Variants in WWP2 observed in about 807,000 individuals in gnomAD.
The protein encoded by WWP2 is WW domain containing E3 ubiquitin protein ligase 2, also known as NEDD4-like E3 ubiquitin-protein ligase WWP2.
WWP2 carries 57 observed loss-of-function variants against 121.0 expected under a neutral mutation model. That is an observed-to-expected ratio of 0.47 (90% CI 0.38 to 0.59). The LOEUF is 0.59. WWP2 is among the 20% of genes least tolerant of loss of function. WWP2 has a pLI of 0.00. For synonymous variants in WWP2, 449 were observed against 441.3 expected, an observed-to-expected ratio of 1.02 and a Z score of -0.22; for missense variants, 962 against 1,158.9, an observed-to-expected ratio of 0.83 and a Z score of 2.47.
intron 7 of WWP2, among the ~76,000 whole-genome samples, chr16:69,886,468 C>G (rs2057927362): frequency 6.6e-6 from 1 of 151,410 alleles, no homozygotes; most frequent in Non-Finnish European, 1.5e-5. Flanking sequence ...AAAAACCAAA[C>G]AACTTTCTGG....
At chr16:69,915,656 G>A (rs72785070) in intron 9 of WWP2, among the ~76,000 whole-genome samples, 108 of 152,286 alleles carry the variant, frequency 7.1e-4, no homozygotes, top group Non-Finnish European at 7.8e-4. Context: ...GTTGCCTTCG[G>A]GGAACAGGAG....
Position 69,937,122 on chromosome 16 carries a change from C to T in WWP2, c.2122C>T (p.Leu708=). 6.2e-7 allele frequency: 1 copy of T among 1,613,924 alleles called. No individual in the cohort carries two copies. The highest frequency in any genetic ancestry group is 8.5e-7 in the Non-Finnish European group (1 of 1,179,928). The change falls in exon 20 of 24, where the codon CTG becomes TTG. Residue 708 remains leucine, a synonymous_variant. Transcript: ENST00000359154. This position sits in a 1 kb window ranked among gnomAD's most constrained non-coding sequence, Gnocchi z 6.6. ...ATGGCTGCTCTTTGGTCTCAGGCTG[C>T]TGACTGACTGGCGTTTCACCCGAGG... ...EENKEEYIML[L]TDWRFTRGVE...
chr16:69,830,772 G>A (rs6499260), intron 4 of WWP2, among the ~76,000 whole-genome samples: 57,943 of 152,010 alleles, frequency 0.38, 11,263 homozygotes, highest in Admixed American at 0.49. Flanking sequence ...AAGAGCCATC[G>A]TAACAGTAAA....
At chr16:69,908,018 G>A (rs55967108) in intron 8 of WWP2, among the ~76,000 whole-genome samples, 3,202 of 152,196 alleles carry the variant, frequency 0.021, 119 homozygotes, top group African/African-American at 0.072. Flanking sequence ...AGGTGGGTGG[G>A]TCGCTTGAGC....
intron 7 of WWP2, among the ~76,000 whole-genome samples, chr16:69,872,944 C>T (rs1478940304): frequency 1.3e-5 from 2 of 152,246 alleles, no homozygotes; most frequent in African/African-American, 4.8e-5. Flanking sequence ...CTATAAACTT[C>T]TCAAAGATTG....
chr16:69,884,910 G>A (rs1377655085), intron 7 of WWP2, among the ~76,000 whole-genome samples: 1 of 152,154 alleles, frequency 6.6e-6, no homozygotes, highest in African/African-American at 2.4e-5. Flanking sequence ...GGTAGAATTA[G>A]AATATTACTA....
chr16:69,878,990 T>C (rs1455448631), intron 7 of WWP2, among the ~76,000 whole-genome samples: 1 of 152,220 alleles, frequency 6.6e-6, no homozygotes, highest in Non-Finnish European at 1.5e-5. Context: ...CTTGTAAATA[T>C]CGGTTTATAA....
chr16:69,826,763 CG>C, intron 4 of WWP2, among the ~76,000 whole-genome samples: 1 of 150,406 alleles, frequency 6.6e-6, no homozygotes, highest in East Asian at 2.0e-4. Flanking sequence ...GGTGAAACCC[CG>C]TCTCTAATAA....
intron 9 of WWP2, chr16:69,909,733 G>T: frequency 6.2e-6 from 6 of 967,842 alleles, no homozygotes; most frequent in Non-Finnish European, 4.9e-6. Context: ...AAAAAAACAG[G>T]TTAAGTGTTT....
intron 6 of WWP2, among the ~76,000 whole-genome samples, chr16:69,845,152 G>GGGGGT (rs1445587169): frequency 2.0e-5 from 3 of 152,120 alleles, no homozygotes; most frequent in Non-Finnish European, 1.5e-5. Context: ...GGTGTAAAGT[G>GGGGGT]GGGGTATCAC....
Position 69,923,090 on chromosome 16 carries a change from A to G in WWP2, c.1180-2340A>G, listed in dbSNP as rs112328328. Among the ~76,000 whole-genome samples, 814 of 152,142 alleles carry G rather than the reference A, an allele frequency of 5.4e-3. 10 individuals carry two copies. Among genetic ancestry groups the G allele is most frequent in the African/African-American group, 0.019 (778 of 41,520 alleles). On this transcript the variant is annotated intron_variant, in intron 10 of 23. Coordinates refer to ENST00000359154, the MANE Select transcript of WWP2 (RefSeq NM_001270454.2). ...TTTTCAGTAGAGACAGGGTTTCCCC[A>G]TGTTGGCCAGGCTGGTCTCGAACTC...
At chr16:69,887,687 T>C (rs899212300) in intron 7 of WWP2, among the ~76,000 whole-genome samples, 1 of 152,192 alleles carries the variant, frequency 6.6e-6, no homozygotes, top group African/African-American at 2.4e-5. Flanking sequence ...ATTACAGTTG[T>C]GAGCCACTGC....
At chr16:69,888,544 C>G (rs1242169566) in intron 8 of WWP2, among the ~76,000 whole-genome samples, 1 of 152,104 alleles carries the variant, frequency 6.6e-6, no homozygotes, top group Non-Finnish European at 1.5e-5. Flanking sequence ...TTTCCTGAAT[C>G]ATTGGAGGAT....
At chr16:69,842,227 T>C (rs750445855) in intron 6 of WWP2, 107 bp downstream of exon 6, 10 of 1,100,240 alleles carry the variant, frequency 9.1e-6, no homozygotes, top group Non-Finnish European at 1.3e-5. Flanking sequence ...TGTTGGAGAT[T>C]TCCAGAGATC....
Position 69,937,181 on chromosome 16 carries a change from C to G in WWP2, c.2181C>G (p.Gly727=), listed in dbSNP as rs149805419. The change falls in exon 20 of 24, where the codon GGC becomes GGG. Residue 727 remains glycine, a synonymous_variant. Coordinates refer to ENST00000359154, the MANE Select transcript of WWP2 (RefSeq NM_001270454.2). This position sits in a 1 kb window ranked among gnomAD's most constrained non-coding sequence, Gnocchi z 6.6. ...AGCAGACCAAAGCCTTCCTGGATGG[C>G]TTCAACGAGGTGGCCCCGCTGGAGT... The part of the protein sequence containing the change: ...VEEQTKAFLD[G]FNEVAPLEWL... 6 of 1,613,910 alleles carry G rather than the reference C, an allele frequency of 3.7e-6. No individual in the cohort carries two copies. The African/African-American group carries it at 6.7e-5, about 18-fold the overall frequency.
intron 19 of WWP2, chr16:69,936,779 G>T (rs1306281286): frequency 2.1e-6 from 1 of 485,814 alleles, no homozygotes; most frequent in Non-Finnish European, 3.7e-6. Context: ...TGTGTGCCTA[G>T]ACCCACCGTC....
chr16:69,791,556 C>T (rs1453035325), intron 2 of WWP2, among the ~76,000 whole-genome samples: 1 of 151,776 alleles, frequency 6.6e-6, no homozygotes, highest in Non-Finnish European at 1.5e-5. Flanking sequence ...CAGTCTTTCT[C>T]TGTTGCTCAG....
intron 4 of WWP2, among the ~76,000 whole-genome samples, chr16:69,801,288 G>T (rs1347475465): frequency 6.6e-6 from 1 of 151,298 alleles, no homozygotes; most frequent in African/African-American, 2.4e-5. Context: ...CTGGAGTGCA[G>T]TGGTGCAATC....
rs578049812 is a variant in WWP2, at chr16:69,782,057, C to T, written c.-15-4939C>T. ...CAGCACTTTGGGAGGCTGAGACGGG[C>T]GGATCACCTGAGGTCAGGAGTTCGA... On this transcript the variant is annotated intron_variant, in intron 1 of 23. Transcript: ENST00000359154. Among the ~76,000 whole-genome samples, 17 of 152,094 alleles carry T rather than the reference C, an allele frequency of 1.1e-4. No homozygotes were observed. The East Asian group carries it at 2.1e-3, about 19-fold the overall frequency.
Sources: gnomAD v4.1 joint callset for allele counts (sites outside exome capture counted in the v4.1 genomes callset) on GRCh38, gnomAD v4.1.1 for gene constraint, Gnocchi (gnomAD v3.1) non-coding constraint, MANE v1.5 for transcripts, NCBI Gene and HGNC (gene_info 2026-07-23, HGNC 2026-07-21) for gene names.